FRMD4B: variants seen among roughly 807,000 people sequenced by gnomAD.
The protein encoded by FRMD4B is FERM domain containing 4B, also known as FERM domain-containing protein 4B.
A neutral mutation model predicts 141.5 loss-of-function variants in FRMD4B; 74 were observed. The ratio of observed to expected loss-of-function variants is 0.52; its 90% CI spans 0.43 to 0.63. FRMD4B has a LOEUF of 0.63. Among genes scored for constraint, FRMD4B ranks in the 30% least tolerant of loss-of-function variants. The pLI is 0.00. For synonymous variants in FRMD4B, 506 were observed against 467.9 expected (o/e 1.08, Z -1.05); for missense variants, 1,366 against 1,253.4 (o/e 1.09, Z -1.36).
intron 1 of FRMD4B, among the ~76,000 whole-genome samples, chr3:69,514,690 A>ATAAG: frequency 1.3e-5 from 1 of 77,400 alleles, no homozygotes; most frequent in Admixed American, 1.1e-4. Context: ...TCCATCTTAA[A>ATAAG]TAAATAAATA....
chr3:69,283,408 A>AAACAAACAAAAAAC (rs1553716231), intron 5 of FRMD4B, among the ~76,000 whole-genome samples: 1 of 141,050 alleles, frequency 7.1e-6, no homozygotes, highest in Admixed American at 7.2e-5. Flanking sequence ...CAACAAACAA[A>AAACAAACAAAAAAC]AAACAAAAAA....
chr3:69,186,294 G>T (rs1242242416), intron 19 of FRMD4B, among the ~76,000 whole-genome samples: 1 of 146,894 alleles, frequency 6.8e-6, no homozygotes, highest in Admixed American at 6.9e-5. Context: ...TGCCCAGGCT[G>T]GGGTGGAGTG....
intron 7 of FRMD4B, among the ~76,000 whole-genome samples, chr3:69,227,030 T>G (rs2093261365): frequency 6.6e-6 from 1 of 152,112 alleles, no homozygotes; most frequent in South Asian, 2.1e-4. Flanking sequence ...GAAATAGCTG[T>G]GTGTTTCAAC....
intron 1 of FRMD4B, among the ~76,000 whole-genome samples, chr3:69,436,298 G>A (rs943636617): frequency 1.3e-5 from 2 of 152,108 alleles, no homozygotes; most frequent in Non-Finnish European, 2.9e-5. Context: ...ACTAAAAAAC[G>A]TAGGTGTTAC....
chr3:69,353,650 C>T (rs6795775), intron 1 of FRMD4B: 280,812 of 981,630 alleles, frequency 0.29, 45,418 homozygotes, highest in African/African-American at 0.7. Flanking sequence ...TGTGCGCGCG[C>T]GTGTGTGTGC....
At chr3:69,309,163 G>A (rs981275528) in intron 3 of FRMD4B, among the ~76,000 whole-genome samples, 17 of 152,054 alleles carry the variant, frequency 1.1e-4, no homozygotes, top group Non-Finnish European at 2.2e-4. Context: ...TTGCTCTATT[G>A]CCTAGGCTGG....
chr3:69,214,598 C>G (rs909003726), intron 11 of FRMD4B, among the ~76,000 whole-genome samples: 3 of 152,138 alleles, frequency 2.0e-5, no homozygotes, highest in African/African-American at 7.2e-5. Context: ...GTGGCTCGTG[C>G]CTGTAATCCC....
At chr3:69,481,037 G>A (rs1198928115) in intron 1 of FRMD4B, among the ~76,000 whole-genome samples, 1 of 152,170 alleles carries the variant, frequency 6.6e-6, no homozygotes, top group South Asian at 2.1e-4. Flanking sequence ...TAATCTCCTG[G>A]TGCGCCGTTT....
chr3:69,261,256 G>T (rs1459922162), intron 5 of FRMD4B, among the ~76,000 whole-genome samples: 1 of 152,270 alleles, frequency 6.6e-6, no homozygotes, highest in South Asian at 2.1e-4. Flanking sequence ...AAGAAACTCC[G>T]AACATCAGAA....
intron 1 of FRMD4B, among the ~76,000 whole-genome samples, chr3:69,499,977 T>C (rs1046027401): frequency 1.3e-5 from 2 of 152,248 alleles, no homozygotes; most frequent in Non-Finnish European, 2.9e-5. Flanking sequence ...GTACATGCAC[T>C]GACAACATGT....
intron 5 of FRMD4B, among the ~76,000 whole-genome samples, chr3:69,251,320 C>G (rs2093462545): frequency 1.3e-5 from 2 of 152,124 alleles, no homozygotes; most frequent in South Asian, 4.1e-4. Flanking sequence ...CCAAGTGCAT[C>G]AATGGGGAGA....
At chr3:69,477,364 T>C (rs1031455424) in intron 1 of FRMD4B, among the ~76,000 whole-genome samples, 1 of 143,558 alleles carries the variant, frequency 7.0e-6, no homozygotes, top group Non-Finnish European at 1.5e-5. Context: ...CTCTTATAAT[T>C]TGAGATACGT....
At chr3:69,284,898 T>C (rs4855379) in intron 5 of FRMD4B, among the ~76,000 whole-genome samples, 147,722 of 152,316 alleles carry the variant, frequency 0.97, 71,786 homozygotes, top group East Asian at 1. Context: ...TGGTGGCTCA[T>C]GCCTGTAAAT....
In FRMD4B at chr3:69,475,882, T is replaced by C. The variant is rs888722572; in HGVS notation, c.-128-43121A>G. On this transcript the variant is annotated intron_variant, in intron 1 of 5. Coordinates refer to the FRMD4B transcript ENST00000459638. ...TCCAGCACCTGTTGTTTCCTGACTT[T>C]TTAATGATTGCCATTCTAACTGGTG... 5.1e-4 allele frequency among the ~76,000 whole-genome samples: 78 copies of C among 151,974 alleles called. No individual in the cohort carries two copies. The East Asian group carries it at 0.013, about 25-fold the overall frequency.
Position 69,225,694 on chromosome 3 carries a change from C to CAAAAA in FRMD4B, c.582-1009_582-1005dup, listed in dbSNP as rs144489759. On this transcript the variant is annotated intron_variant, in intron 7 of 22. Transcript: ENST00000398540. ...TTGGCGACAGAGCAAGACTCCGTCT[C>CAAAAA]AAAAAAAAAAAAAAAAAAAAAAAAA... 2.0e-3 allele frequency among the ~76,000 whole-genome samples: 46 copies of CAAAAA among 23,338 alleles called. 6 individuals are homozygous for CAAAAA. The highest frequency in any genetic ancestry group is 8.5e-3 in the African/African-American group (46 of 5,412). 15.3% of individuals were successfully genotyped at this position (23,338 alleles called of 152,430 possible). A position where few individuals can be genotyped will look rare whatever the true frequency, so the allele number is the denominator to read the frequency against.
chr3:69,200,774 G>C, intron 11 of FRMD4B: 3 of 868,376 alleles, frequency 3.5e-6, no homozygotes, highest in South Asian at 2.8e-5. Flanking sequence ...TTCACCGGAG[G>C]CTGTTTTAGG....
chr3:69,393,246 C>G (rs894127440), intron 2 of FRMD4B, among the ~76,000 whole-genome samples: 1 of 151,118 alleles, frequency 6.6e-6, no homozygotes, highest in Non-Finnish European at 1.5e-5. Flanking sequence ...TTTCTCATTT[C>G]CCTCATCTGT....
rs1370003681 is a variant in FRMD4B at position 69,169,441 on chromosome 3, TC to T, written c.*2419del. Among the ~76,000 whole-genome samples, 1 of 141,354 alleles carries T rather than the reference TC, an allele frequency of 7.1e-6. No individual in the cohort carries two copies. Among genetic ancestry groups the T allele is most frequent in the Non-Finnish European group, 1.5e-5 (1 of 65,864 alleles). 92.7% of individuals were successfully genotyped at this position (141,354 alleles called of 152,430 possible). On this transcript the variant is annotated 3_prime_UTR_variant, in exon 23 of 23. Transcript: ENST00000398540. Reference sequence around the variant, plus strand: ...GGCACGATCCTGGCTCACTGCAACCTCCGCCTCCTGGGCTCAAGATATCCTC... The same window carrying T: ...GGCACGATCCTGGCTCACTGCAACCTCGCCTCCTGGGCTCAAGATATCCTC...
intron 1 of FRMD4B, among the ~76,000 whole-genome samples, chr3:69,469,442 C>T (rs913705723): frequency 6.6e-6 from 1 of 152,208 alleles, no homozygotes; most frequent in African/African-American, 2.4e-5. Context: ...TAAAACTACA[C>T]ATCCCTTTCA....
Sources: allele counts gnomAD v4.1 joint callset (sites outside exome capture counted in the v4.1 genomes callset), GRCh38; gene constraint gnomAD v4.1.1; transcripts MANE v1.5; gene names NCBI Gene and HGNC (gene_info 2026-07-23, HGNC 2026-07-21).